The following CNTN5 variants were observed in gnomAD, a reference collection of about 807,000 sequenced individuals.
The protein encoded by CNTN5 is contactin 5.
In CNTN5, 77 loss-of-function variants were observed where a neutral mutation model predicts 129.1. The ratio of observed to expected loss-of-function variants is 0.60; its 90% confidence interval spans 0.50 to 0.72. CNTN5 has a LOEUF of 0.72. Ranked by LOEUF, CNTN5 falls within the 30% of genes least tolerant of loss-of-function variation. The probability of loss-of-function intolerance (pLI) is 0.00; values close to 1 mark genes in which losing one functional copy is unlikely to be tolerated. For synonymous variants in CNTN5, 509 were observed against 465.6 expected (o/e 1.09, Z -1.20); for missense variants, 1,478 against 1,328.8 (o/e 1.11, Z -1.75).
At chr11:99,723,287 G>A (rs1943233949) in intron 3 of CNTN5, among the ~76,000 whole-genome samples, 1 of 151,940 alleles carries the variant, frequency 6.6e-6, no homozygotes, top group Admixed American at 6.6e-5. Flanking sequence ...TCGGACAAAT[G>A]TACATGGCTG....
chr11:100,017,747 G>C (rs983589154), intron 9 of CNTN5, among the ~76,000 whole-genome samples: 10 of 151,968 alleles, frequency 6.6e-5, no homozygotes, highest in African/African-American at 2.4e-4. Context: ...CGTCAACAGT[G>C]TTTGTTACTC....
chr11:100,002,076 C>G lies in CNTN5; in HGVS notation c.920C>G (p.Pro307Arg). ...EYEPKIEVHF[P>R]FTVTAAKGTT... Reference sequence around the variant, plus strand: ...GAGCCGAAAATTGAGGTCCATTTTCCTTTCACGGTTACAGCTGCTAAAGGA... The same window carrying G: ...GAGCCGAAAATTGAGGTCCATTTTCGTTTCACGGTTACAGCTGCTAAAGGA... The change falls in exon 9 of 25, where the codon CCT becomes CGT. Residue 307 changes from proline (P) to arginine (R), a missense_variant. Physicochemically the swap from Pro to Arg is moderately radical, Grantham distance 103 (BLOSUM62 -2). Coordinates refer to ENST00000524871, the MANE Select transcript of CNTN5 (RefSeq NM_014361.4). The G allele has an allele frequency of 6.3e-7, 1 of 1,598,306 alleles. No individual in the cohort carries two copies. Among genetic ancestry groups the G allele is most frequent in the Non-Finnish European group, 8.5e-7 (1 of 1,175,374 alleles).
intron 1 of CNTN5, among the ~76,000 whole-genome samples, chr11:99,151,804 CAG>C (rs1044265591): frequency 2.6e-5 from 4 of 151,836 alleles, no homozygotes; most frequent in Admixed American, 6.6e-5. Context: ...AACACAGAAA[CAG>C]AAAACCAAAC....
At chr11:100,087,190 A>G (rs1037170952) in intron 13 of CNTN5, among the ~76,000 whole-genome samples, 1 of 151,792 alleles carries the variant, frequency 6.6e-6, no homozygotes, top group African/African-American at 2.4e-5. Context: ...CCATAAACAG[A>G]TAAAAAGAAA....
chr11:99,374,638 C>T (rs899868151), intron 2 of CNTN5, among the ~76,000 whole-genome samples: 1 of 152,042 alleles, frequency 6.6e-6, no homozygotes, highest in African/African-American at 2.4e-5. Context: ...GAGTCCAGAT[C>T]GCGTCACTGC....
chr11:99,498,071 T>A (rs1946294406), intron 2 of CNTN5, among the ~76,000 whole-genome samples: 1 of 152,146 alleles, frequency 6.6e-6, no homozygotes, highest in Admixed American at 6.5e-5. Flanking sequence ...CCAAGTAACA[T>A]CTTTATGGTT....
At position 99,879,987 on chromosome 11, in the gene CNTN5, A is replaced by G. The variant is rs916158218; in HGVS notation, c.577+34725A>G. Among the ~76,000 whole-genome samples the G allele has an allele frequency of 7.9e-5, 12 of 152,190 alleles. No homozygotes were observed. The East Asian group carries it at 2.3e-3, about 29-fold the overall frequency. On this transcript the variant is annotated intron_variant, in intron 6 of 24. Transcript: ENST00000524871. ...TGTCAACAAAAACAAAATTCATTGC[A>G]GTCTGTGAGAATATCTTTCAAAGTG...
intron 1 of CNTN5, among the ~76,000 whole-genome samples, chr11:99,169,372 A>ATGTGTGTGTGTGTG (rs71046671): frequency 9.9e-4 from 150 of 151,112 alleles, no homozygotes; most frequent in African/African-American, 3.6e-3. Flanking sequence ...AATAAGCTAT[A>ATGTGTGTGTGTGTG]TGTGTGTGTG....
chr11:99,274,757 A>G (rs1223052436), intron 1 of CNTN5, among the ~76,000 whole-genome samples: 1 of 151,468 alleles, frequency 6.6e-6, no homozygotes, highest in Non-Finnish European at 1.5e-5. Context: ...ACCTAAAAAA[A>G]GTTAATCTTT....
At chr11:99,246,550 A>G (rs987337142) in intron 1 of CNTN5, among the ~76,000 whole-genome samples, 1 of 152,160 alleles carries the variant, frequency 6.6e-6, no homozygotes, top group African/African-American at 2.4e-5. Context: ...AATTGAAGCT[A>G]TGATTGTCCA....
intron 3 of CNTN5, among the ~76,000 whole-genome samples, chr11:99,639,366 A>G (rs2135834172): frequency 1.3e-5 from 2 of 152,176 alleles, no homozygotes; most frequent in South Asian, 4.1e-4. Flanking sequence ...GCCTGGAGAT[A>G]TTTTCCCCAT....
chr11:99,782,371 A>T (rs1253669700), intron 3 of CNTN5, among the ~76,000 whole-genome samples: 3 of 149,850 alleles, frequency 2.0e-5, no homozygotes, highest in African/African-American at 7.5e-5. Context: ...ATGGGTAGGA[A>T]GAATCAATAT....
chr11:100,168,417 C>T (rs1947714038), intron 13 of CNTN5, among the ~76,000 whole-genome samples: 1 of 151,922 alleles, frequency 6.6e-6, no homozygotes, highest in Non-Finnish European at 1.5e-5. Flanking sequence ...AGCCAATATT[C>T]ATTTAATACT....
At chr11:99,261,853 G>A (rs1862643917) in intron 1 of CNTN5, among the ~76,000 whole-genome samples, 2 of 151,908 alleles carry the variant, frequency 1.3e-5, no homozygotes, top group African/African-American at 2.4e-5. Flanking sequence ...TTGACATGGG[G>A]TCTAAATCCC....
At chr11:99,253,127 G>A (rs544764324) in intron 1 of CNTN5, among the ~76,000 whole-genome samples, 7 of 152,082 alleles carry the variant, frequency 4.6e-5, no homozygotes, top group African/African-American at 1.7e-4. Context: ...TTGAATCATG[G>A]CATTAGTTTC....
intron 20 of CNTN5, among the ~76,000 whole-genome samples, chr11:100,301,924 C>A (rs1184616988): frequency 1.3e-5 from 2 of 151,620 alleles, no homozygotes; most frequent in African/African-American, 4.8e-5. Context: ...ATAATCCCAA[C>A]ACATTGGGAG....
intron 1 of CNTN5, among the ~76,000 whole-genome samples, chr11:99,290,329 G>T (rs1864116759): frequency 6.6e-6 from 1 of 151,732 alleles, no homozygotes; most frequent in Admixed American, 6.6e-5. Context: ...AGCTGATTAT[G>T]ATTATTCTGT....
At chr11:99,106,443 TTA>T (rs1280210869) in intron 1 of CNTN5, among the ~76,000 whole-genome samples, 2 of 142,362 alleles carry the variant, frequency 1.4e-5, no homozygotes, top group African/African-American at 6.1e-5. Context: ...ACAGACTACA[TTA>T]ATTAATATAT....
In CNTN5 at chr11:100,122,793, A is replaced by C. The variant is rs78684694; in HGVS notation, c.1580+48499A>C. ...GGAAGGAAAACTTACAGGTTAGGCT[A>C]CAAAAGTACTTTGGATTTTTTCCTG... On this transcript the variant is annotated intron_variant, in intron 13 of 24. Transcript: ENST00000524871. Among the ~76,000 whole-genome samples, 153 of 152,182 alleles carry C rather than the reference A, an allele frequency of 1.0e-3. 1 individual carries two copies. The East Asian group carries it at 0.025, about 25-fold the overall frequency.
Sources: gnomAD v4.1 joint callset for allele counts (sites outside exome capture counted in the v4.1 genomes callset) on GRCh38, gnomAD v4.1.1 for gene constraint, MANE v1.5 for transcripts, NCBI Gene and HGNC (gene_info 2026-07-23, HGNC 2026-07-21) for gene names.